The following SWAP70 variants were observed in gnomAD, a reference collection of about 807,000 sequenced individuals.
The protein encoded by SWAP70 is switch-associated protein 70.
A neutral mutation model predicts 80.2 loss-of-function variants in SWAP70; 34 were observed. The observed-to-expected ratio is 0.42, with a 90% CI of 0.32 to 0.56. The LOEUF (loss-of-function observed/expected upper bound fraction) is 0.56, where lower values mean the gene tolerates loss of function less well. SWAP70 is among the 20% of genes least tolerant of loss of function. The pLI, the probability that SWAP70 is intolerant of heterozygous loss-of-function variation, is 0.09. For synonymous variants in SWAP70, 239 were observed against 238.5 expected, an observed-to-expected ratio of 1.00 and a Z score of -0.02; for missense variants, 578 against 690.7, an observed-to-expected ratio of 0.84 and a Z score of 1.83.
intron 1 of SWAP70, among the ~76,000 whole-genome samples, chr11:9,673,235 C>T (rs1179935744): frequency 6.6e-6 from 1 of 152,182 alleles, no homozygotes; most frequent in Non-Finnish European, 1.5e-5. Context: ...TTGGGTTCTC[C>T]GTGACCCCGT....
chr11:9,714,877 A>T (rs1393247107), intron 3 of SWAP70, among the ~76,000 whole-genome samples: 1 of 148,186 alleles, frequency 6.7e-6, no homozygotes, highest in Admixed American at 6.8e-5. Flanking sequence ...CAATGGCGCA[A>T]TCTCGGCTTA....
chr11:9,683,471 A>G (rs561640206), intron 1 of SWAP70, among the ~76,000 whole-genome samples: 1 of 152,294 alleles, frequency 6.6e-6, no homozygotes, highest in East Asian at 1.9e-4. Flanking sequence ...TCAGGGACCA[A>G]AAACGTCTAA....
intron 6 of SWAP70, among the ~76,000 whole-genome samples, chr11:9,730,961 C>T (rs1304376966): frequency 6.6e-6 from 1 of 152,148 alleles, no homozygotes; most frequent in Non-Finnish European, 1.5e-5. Context: ...TCCCTAGTGT[C>T]TGCTGTTGCC....
intron 2 of SWAP70, among the ~76,000 whole-genome samples, chr11:9,703,860 T>C (rs1850865050): frequency 6.6e-6 from 1 of 152,194 alleles, no homozygotes; most frequent in Non-Finnish European, 1.5e-5. Context: ...CATGATTTCA[T>C]GTGAGTTGTA....
At chr11:9,671,568 T>TTC (rs1850393628) in intron 1 of SWAP70, among the ~76,000 whole-genome samples, 2 of 61,402 alleles carry the variant, frequency 3.3e-5, no homozygotes, top group Non-Finnish European at 6.1e-5. Flanking sequence ...ATAAATATAT[T>TTC]TATATAGAAA....
intron 2 of SWAP70, among the ~76,000 whole-genome samples, chr11:9,710,321 A>ATTTCTTTTTTTGCCTTTTCT (rs1318602944): frequency 2.0e-5 from 3 of 152,092 alleles, no homozygotes; most frequent in Non-Finnish European, 2.9e-5. Context: ...CAAAAAAGAA[A>ATTTCTTTTTTTGCCTTTTCT]AGCAGCAGCA....
intron 2 of SWAP70, 56 bp downstream of exon 2, chr11:9,694,342 G>A: frequency 6.6e-7 from 1 of 1,518,578 alleles, no homozygotes. Context: ...TGTTTCAAGT[G>A]GGCCCAAAAG....
chr11:9,725,555 ATATATATATATATATTTTTTTT>A (rs1270498046), intron 4 of SWAP70, among the ~76,000 whole-genome samples: 208 of 11,206 alleles, frequency 0.019, 4 homozygotes, highest in Non-Finnish European at 0.032. Flanking sequence ...ATATATATAT[ATATATATATATATATTTTTTTT>A]TTTTTTTTTT....
At chr11:9,666,014 A>T (rs569523443) in intron 1 of SWAP70, among the ~76,000 whole-genome samples, 2 of 145,150 alleles carry the variant, frequency 1.4e-5, no homozygotes, top group East Asian at 4.0e-4. Flanking sequence ...TTTTATTATA[A>T]TTTGGTTTCT....
intron 9 of SWAP70, chr11:9,740,691 A>G: frequency 2.9e-6 from 1 of 340,936 alleles, no homozygotes; most frequent in South Asian, 2.6e-5. Context: ...CACGCTCCAG[A>G]CCAGAGAGGG....
In SWAP70 at chr11:9,750,036, A is replaced by G; in HGVS notation, c.*66A>G. On this transcript the variant is annotated 3_prime_UTR_variant, in exon 12 of 12. Coordinates refer to ENST00000318950, the MANE Select transcript of SWAP70 (RefSeq NM_015055.4). ...ATGGCAGGAGAGCTTTACGCTAAAG[A>G]CAAAAGAAACAGCTTTGGGGGCCGG... 1.7e-6 allele frequency: 2 copies of G among 1,167,286 alleles called. No homozygotes were observed. The highest frequency in any genetic ancestry group is 1.9e-5 in the Admixed American group (1 of 53,894). The allele number at this position is 1,167,286 out of a possible 1,614,324, so 72.3% of individuals were successfully genotyped here.
chr11:9,665,653 T>G (rs1348803659), intron 1 of SWAP70, among the ~76,000 whole-genome samples: 7 of 152,220 alleles, frequency 4.6e-5, no homozygotes, highest in African/African-American at 1.4e-4. Flanking sequence ...TGAAACTGAT[T>G]TCTTTTACCC....
chr11:9,709,111 T>C (rs2134469004), intron 2 of SWAP70, among the ~76,000 whole-genome samples: 1 of 142,586 alleles, frequency 7.0e-6, no homozygotes, highest in Admixed American at 6.9e-5. Flanking sequence ...GGTCTCACTA[T>C]GTTGCCCAGG....
rs1256947831 is a variant in SWAP70, at chr11:9,713,539, A to G, written c.314A>G (p.Lys105Arg). ...CTCTGTGTCAAAAAAAACCTCACAA[A>G]GAATCCCCTGCTCATTACAGAAGAA... ...WTLCVKKNLT[K>R]NPLLITEEDA... The change falls in exon 3 of 12, where the codon AAG becomes AGG. Residue 105 changes from lysine to arginine, a missense_variant. Transcript: ENST00000318950. 6.2e-7 allele frequency: 1 copy of G among 1,614,098 alleles called. No individual in the cohort carries two copies. Among genetic ancestry groups the G allele is most frequent in the Admixed American group, 1.7e-5 (1 of 60,020 alleles).
intron 1 of SWAP70, among the ~76,000 whole-genome samples, chr11:9,667,056 G>C (rs1850315985): frequency 6.6e-6 from 1 of 151,944 alleles, no homozygotes; most frequent in Admixed American, 6.6e-5. Context: ...GTAGAGACGG[G>C]GTTTCATTGT....
intron 2 of SWAP70, among the ~76,000 whole-genome samples, chr11:9,707,557 C>CTTTTTTTT: frequency 3.1e-5 from 2 of 64,816 alleles, no homozygotes; most frequent in Non-Finnish European, 7.2e-5. Context: ...TTTTTCTTTT[C>CTTTTTTTT]TTTTTTTTTT....
chr11:9,751,454 C>T lies in SWAP70; in HGVS notation c.*1484C>T, dbSNP rs1851588630. On this transcript the variant is annotated 3_prime_UTR_variant, in exon 12 of 12. Coordinates refer to ENST00000318950, the MANE Select transcript of SWAP70 (RefSeq NM_015055.4). ...TGAGAAGCAACAGTAACTCCGTGGACAGCAATCAAGCTTAAAATTGTAAAT... is the reference window on the plus strand; with the variant it reads ...TGAGAAGCAACAGTAACTCCGTGGATAGCAATCAAGCTTAAAATTGTAAAT... 1 of 152,198 alleles carries T rather than the reference C, an allele frequency of 6.6e-6. No homozygotes were observed. The highest frequency in any genetic ancestry group is 1.5e-5 in the Non-Finnish European group (1 of 68,036). 9.4% of individuals were successfully genotyped at this position (152,198 alleles called of 1,614,324 possible). A position where few individuals can be genotyped will look rare whatever the true frequency, so the allele number is the denominator to read the frequency against.
chr11:9,750,847 C>CAA lies in SWAP70; in HGVS notation c.*877_*878insAA, dbSNP rs1851579285. 1 of 152,190 alleles carries CAA rather than the reference C, an allele frequency of 6.6e-6. No individual in the cohort carries two copies. 9.4% of individuals were successfully genotyped at this position (152,190 alleles called of 1,614,324 possible). A position where few individuals can be genotyped will look rare whatever the true frequency, so the allele number is the denominator to read the frequency against. On this transcript the variant is annotated 3_prime_UTR_variant, in exon 12 of 12. Coordinates refer to ENST00000318950, the MANE Select transcript of SWAP70 (RefSeq NM_015055.4). The stretch of plus-strand genomic sequence containing the variant: ...CTGGTTGCCCTTTTGGAATGTGATC[C>CAA]TGTTAGTAGAGGTTTTCTAGCTTCT...
intron 3 of SWAP70, among the ~76,000 whole-genome samples, 172 bp from the exon 4 acceptor site, chr11:9,724,486 G>T (rs371387449): frequency 1.3e-5 from 2 of 152,104 alleles, no homozygotes; most frequent in East Asian, 3.8e-4. Context: ...CAGACCAGTG[G>T]CATTTTATTT....
Sources: gnomAD v4.1 joint callset for allele counts (sites outside exome capture counted in the v4.1 genomes callset) on GRCh38, gnomAD v4.1.1 for gene constraint, MANE v1.5 for transcripts, NCBI Gene and HGNC (gene_info 2026-07-23, HGNC 2026-07-21) for gene names.